The following KCNJ1 variants were observed in gnomAD, a reference collection of about 807,000 sequenced individuals.
KCNJ1 encodes potassium inwardly rectifying channel subfamily J member 1, also known as ATP-sensitive inward rectifier potassium channel 1.
Under a neutral mutation model 21.9 loss-of-function variants are expected in KCNJ1, and 24 were observed. The observed-to-expected ratio is 1.10, with a 90% CI of 0.79 to 1.54. The LOEUF (loss-of-function observed/expected upper bound fraction) is 1.54. Ranked by LOEUF, KCNJ1 falls within the 40% of genes most tolerant of loss-of-function variation. The pLI, the probability that KCNJ1 is intolerant of heterozygous loss-of-function variation, is 0.00. For missense variants in KCNJ1, 457 were observed against 455.4 expected (o/e 1.00, Z -0.03); for synonymous variants, 152 against 160.9 (o/e 0.94, Z 0.42).
At chr11:128,847,522 A>C (rs1170067700) in intron 2 of KCNJ1, among the ~76,000 whole-genome samples, 2 of 152,258 alleles carry the variant, frequency 1.3e-5, no homozygotes, top group African/African-American at 4.8e-5. Context: ...AGCCAAGTTA[A>C]ATAGAAAAAG....
intron 1 of KCNJ1, among the ~76,000 whole-genome samples, chr11:128,864,653 G>A (rs1437159649): frequency 1.3e-5 from 2 of 152,128 alleles, no homozygotes; most frequent in Non-Finnish European, 2.9e-5. Flanking sequence ...CTTGAGCCTA[G>A]GTCATCACAG....
chr11:128,847,633 C>G (rs148125496), intron 2 of KCNJ1, among the ~76,000 whole-genome samples: 1,626 of 152,288 alleles, frequency 0.011, 35 homozygotes, highest in African/African-American at 0.037. Flanking sequence ...TATACTCTGA[C>G]CACAAAAACC....
intron 1 of KCNJ1, among the ~76,000 whole-genome samples, chr11:128,852,223 A>C (rs1224272929): frequency 6.6e-6 from 1 of 152,224 alleles, no homozygotes; most frequent in African/African-American, 2.4e-5. Flanking sequence ...TACTACGTGC[A>C]ACTCCAGTTT....
At chr11:128,850,962 C>T (rs1233961998) in intron 1 of KCNJ1, 72 bp from the exon 2 acceptor site, 1 of 818,562 alleles carries the variant, frequency 1.2e-6, no homozygotes, top group African/African-American at 1.9e-5. Flanking sequence ...CAGGGTGAAA[C>T]TTCAGTTAGT....
chr11:128,848,298 A>G (rs946253531), intron 2 of KCNJ1, among the ~76,000 whole-genome samples: 1 of 150,578 alleles, frequency 6.6e-6, no homozygotes, highest in African/African-American at 2.4e-5. Context: ...AAAAAAAAAA[A>G]AAAAAAAAAA....
At chr11:128,849,368 A>T (rs1313522402) in intron 2 of KCNJ1, among the ~76,000 whole-genome samples, 3 of 152,216 alleles carry the variant, frequency 2.0e-5, no homozygotes, top group Non-Finnish European at 2.9e-5. Context: ...TTTTCTATAC[A>T]TTTCCTTGCT....
intron 2 of KCNJ1, among the ~76,000 whole-genome samples, chr11:128,846,830 T>C (rs1302393779): frequency 6.6e-6 from 1 of 152,144 alleles, no homozygotes; most frequent in South Asian, 2.1e-4. Flanking sequence ...TTGGTTCTCC[T>C]GGCACATGAG....
chr11:128,852,734 C>A (rs749034924), intron 1 of KCNJ1, among the ~76,000 whole-genome samples: 3 of 152,262 alleles, frequency 2.0e-5, no homozygotes, highest in African/African-American at 4.8e-5. Flanking sequence ...CCTCTCAGAA[C>A]AGGACACTGC....
rs1943467227 is a variant in KCNJ1 at position 128,850,787 on chromosome 11, AG to A, written c.-89del. 2 of 985,286 alleles carry A rather than the reference AG, an allele frequency of 2.0e-6. No individual in the cohort carries two copies. Among genetic ancestry groups the A allele is most frequent in the Admixed American group, 6.1e-5 (1 of 16,266 alleles). The allele number at this position is 985,286 out of a possible 1,614,324, so 61.0% of individuals were successfully genotyped here. A position where few individuals can be genotyped will look rare whatever the true frequency, so the allele number is the denominator to read the frequency against. Reference sequence around the variant, plus strand: ...TGTATAAGTAGATCTTGGGGTGACCAGCAAGAGCTGCTTGGTTTGGGATTCC... The same window carrying A: ...TGTATAAGTAGATCTTGGGGTGACCACAAGAGCTGCTTGGTTTGGGATTCC... On this transcript the variant is annotated 5_prime_UTR_variant, in exon 2 of 3. It introduces an in-frame stop codon into an upstream open reading frame of the 5' UTR. Transcript: ENST00000392666.
intron 2 of KCNJ1, among the ~76,000 whole-genome samples, chr11:128,843,261 A>G (rs1034149386): frequency 9.9e-5 from 15 of 152,188 alleles, no homozygotes; most frequent in African/African-American, 9.7e-5. Context: ...CAGAGCCAAT[A>G]TGTATTTTAT....
intron 1 of KCNJ1, among the ~76,000 whole-genome samples, chr11:128,861,778 C>A (rs1426518341): frequency 1.3e-5 from 2 of 152,090 alleles, no homozygotes; most frequent in Non-Finnish European, 2.9e-5. Context: ...AAGTTTGTGT[C>A]CATTTCCCGC....
intron 1 of KCNJ1, among the ~76,000 whole-genome samples, chr11:128,851,995 C>T (rs1295301533): frequency 6.6e-6 from 1 of 152,204 alleles, no homozygotes; most frequent in Non-Finnish European, 1.5e-5. Context: ...TTCTCTGTCC[C>T]AGTCCCAACA....
At chr11:128,845,264 G>T (rs1398386895) in intron 2 of KCNJ1, among the ~76,000 whole-genome samples, 2 of 152,210 alleles carry the variant, frequency 1.3e-5, no homozygotes, top group African/African-American at 4.8e-5. Flanking sequence ...AGTTGTTCAC[G>T]AATAAGTAAT....
At chr11:128,843,086 G>A (rs1219010735) in intron 2 of KCNJ1, among the ~76,000 whole-genome samples, 2 of 152,200 alleles carry the variant, frequency 1.3e-5, no homozygotes, top group East Asian at 3.8e-4. Context: ...CACTGGGTTA[G>A]CCAATGCTAT....
chr11:128,840,126 G>A lies in KCNJ1; in HGVS notation c.118C>T (p.Gln40Ter), dbSNP rs935108422. 1.9e-6 allele frequency: 3 copies of A among 1,614,054 alleles called. No individual in the cohort carries two copies. The highest frequency in any genetic ancestry group is 2.7e-5 in the African/African-American group (2 of 74,918). Residue 40 changes from glutamine to a stop codon, truncating the protein, a stop_gained, in exon 3 of 3, where the codon CAG (glutamine) becomes TAG (stop). Transcript: ENST00000392666. LOFTEE classifies it high-confidence loss of function. Reference sequence around the variant, plus strand: ...TCCACAAAGAATATAAACCTTGACTGTGCCTCCACATTGCCAAATTCTATG... The same window carrying A: ...TCCACAAAGAATATAAACCTTGACTATGCCTCCACATTGCCAAATTCTATG... ...CNIEFGNVEA[Q>*]SRFIFFVDIW...
In KCNJ1 at chr11:128,840,048, T is replaced by G; in HGVS notation, c.196A>C (p.Ile66Leu). The G allele has an allele frequency of 1.9e-6, 3 of 1,614,216 alleles. No individual in the cohort carries two copies. The highest frequency in any genetic ancestry group is 2.2e-5 in the South Asian group (2 of 91,084). ...AACCAACTCCCCAAGAAGGCTGTGA[T>G]GAAAATGGTCATTTTGTATCTCCAC... The part of the protein sequence containing the change: ...LKWRYKMTIF[I>L]TAFLGSWFFF... The change falls in exon 3 of 3, where the codon ATC becomes CTC. Residue 66 changes from isoleucine (I) to leucine (L), a missense_variant. Coordinates refer to ENST00000392666, the MANE Select transcript of KCNJ1 (RefSeq NM_153766.3).
At chr11:128,851,442 T>C (rs757494801) in intron 1 of KCNJ1, among the ~76,000 whole-genome samples, 7 of 152,234 alleles carry the variant, frequency 4.6e-5, no homozygotes, top group Admixed American at 3.9e-4. Context: ...CCTGTGTGTG[T>C]GTTGAGGAGG....
intron 2 of KCNJ1, among the ~76,000 whole-genome samples, chr11:128,841,606 T>C (rs969060614): frequency 5.3e-5 from 8 of 152,160 alleles, no homozygotes; most frequent in African/African-American, 1.9e-4. Context: ...TTAAAATAGA[T>C]TTCAAAATCC....
chr11:128,846,316 T>C (rs1353065549), intron 2 of KCNJ1, among the ~76,000 whole-genome samples: 3 of 152,214 alleles, frequency 2.0e-5, no homozygotes, highest in Admixed American at 6.5e-5. Flanking sequence ...TGCAATAGCA[T>C]AGGTAAAGTT....
Sources: allele counts gnomAD v4.1 joint callset (sites outside exome capture counted in the v4.1 genomes callset), GRCh38; gene constraint gnomAD v4.1.1; transcripts MANE v1.5; gene names NCBI Gene and HGNC (gene_info 2026-07-23, HGNC 2026-07-21).